Variants in RRAS2 observed in about 807,000 individuals in gnomAD.
RRAS2 encodes the protein ras-related protein R-Ras2.
In RRAS2, 7 loss-of-function variants were observed where a neutral mutation model predicts 27.6. The observed-to-expected ratio is 0.25, with a 90% CI of 0.14 to 0.48. The LOEUF (loss-of-function observed/expected upper bound fraction) is 0.48. Ranked by LOEUF, RRAS2 falls within the 20% of genes least tolerant of loss-of-function variation. The probability of loss-of-function intolerance (pLI) is 0.99; values close to 1 mark genes in which losing one functional copy is unlikely to be tolerated. For synonymous variants in RRAS2, 86 were observed against 90.9 expected, an observed-to-expected ratio of 0.95 and a Z score of 0.31; for missense variants, 178 against 256.2, an observed-to-expected ratio of 0.69 and a Z score of 2.08.
At chr11:14,321,825 A>G (rs545035535) in intron 1 of RRAS2, among the ~76,000 whole-genome samples, 1 of 152,286 alleles carries the variant, frequency 6.6e-6, no homozygotes, top group Admixed American at 6.5e-5. Context: ...TTTGAACCCA[A>G]TAATGCATTT....
At chr11:14,311,216 A>G (rs915410161) in intron 1 of RRAS2, among the ~76,000 whole-genome samples, 1 of 152,136 alleles carries the variant, frequency 6.6e-6, no homozygotes, top group Non-Finnish European at 1.5e-5. Context: ...GTGGTGGGGT[A>G]CACCTATAAT....
At chr11:14,333,643 CCACCCT>C (rs1848527065) in intron 1 of RRAS2, among the ~76,000 whole-genome samples, 1 of 143,858 alleles carries the variant, frequency 7.0e-6, no homozygotes, top group African/African-American at 2.5e-5. Context: ...TTCCCCACCC[CCACCCT>C]GCCCCTTTTT....
chr11:14,352,258 T>C (rs1377289179), intron 1 of RRAS2, among the ~76,000 whole-genome samples: 1 of 152,212 alleles, frequency 6.6e-6, no homozygotes, highest in Non-Finnish European at 1.5e-5. Flanking sequence ...TGACTGCATT[T>C]TTAATTAAAC....
At chr11:14,321,233 A>T (rs1444566974) in intron 1 of RRAS2, among the ~76,000 whole-genome samples, 1 of 152,168 alleles carries the variant, frequency 6.6e-6, no homozygotes, top group Non-Finnish European at 1.5e-5. Context: ...TCAATATTTT[A>T]AAATCTTATG....
intron 1 of RRAS2, among the ~76,000 whole-genome samples, chr11:14,311,893 C>T (rs1554948923): frequency 1.3e-5 from 2 of 150,696 alleles, no homozygotes; most frequent in Admixed American, 6.6e-5. Flanking sequence ...GAGATAGAGT[C>T]TCACTCTGTT....
intron 1 of RRAS2, among the ~76,000 whole-genome samples, chr11:14,315,019 G>A (rs1163653648): frequency 6.6e-6 from 1 of 152,126 alleles, no homozygotes; most frequent in Non-Finnish European, 1.5e-5. Flanking sequence ...CATTTAAATA[G>A]CCATGGTTTT....
chr11:14,307,696 A>G (rs936219476), intron 1 of RRAS2, among the ~76,000 whole-genome samples: 3 of 152,012 alleles, frequency 2.0e-5, no homozygotes, highest in Non-Finnish European at 4.4e-5. Context: ...AGCCTGCGAC[A>G]GTTTAAAAAA....
intron 2 of RRAS2, among the ~76,000 whole-genome samples, chr11:14,295,483 G>A (rs1847519780): frequency 6.6e-6 from 1 of 152,124 alleles, no homozygotes; most frequent in South Asian, 2.1e-4. Flanking sequence ...GTTGAGACCT[G>A]ACAGGTTTTT....
At chr11:14,295,213 GT>G (rs1554946419) in intron 2 of RRAS2, among the ~76,000 whole-genome samples, 4 of 152,158 alleles carry the variant, frequency 2.6e-5, no homozygotes, top group African/African-American at 9.7e-5. Flanking sequence ...AAAGATACCT[GT>G]AAATTCAAGA....
At chr11:14,330,133 G>A (rs1400936996) in intron 1 of RRAS2, among the ~76,000 whole-genome samples, 10 of 152,148 alleles carry the variant, frequency 6.6e-5, no homozygotes, top group Non-Finnish European at 1.5e-5. Flanking sequence ...TAGTATTCAC[G>A]GTGTAATGTG....
rs527819672 is a variant in RRAS2, at chr11:14,347,693, G to A, written c.108+11070C>T. On this transcript the variant is annotated intron_variant, in intron 1 of 5. Transcript: ENST00000256196. Reference sequence around the variant, plus strand: ...AACTTAGGTACAGTGGCTCACACCTGTAGTGCCCGCGCTTTGGCAGGCAGA... The same window carrying A: ...AACTTAGGTACAGTGGCTCACACCTATAGTGCCCGCGCTTTGGCAGGCAGA... Among the ~76,000 whole-genome samples, 13 of 152,218 alleles carry A rather than the reference G, an allele frequency of 8.5e-5. No individual in the cohort carries two copies. In the East Asian group the frequency reaches 2.5e-3, roughly 29 times the overall value.
At chr11:14,318,484 C>G (rs1457880100) in intron 1 of RRAS2, among the ~76,000 whole-genome samples, 1 of 151,796 alleles carries the variant, frequency 6.6e-6, no homozygotes, top group African/African-American at 2.4e-5. Flanking sequence ...GCCTGGGTGA[C>G]AGAGAGAGAA....
intron 1 of RRAS2, among the ~76,000 whole-genome samples, chr11:14,296,216 TAAAATA>T (rs1554946601): frequency 6.6e-6 from 1 of 151,694 alleles, no homozygotes; most frequent in East Asian, 1.9e-4. Flanking sequence ...GAATAAAAAA[TAAAATA>T]AAATTTATGA....
chr11:14,336,773 A>T (rs1172416441), intron 1 of RRAS2, among the ~76,000 whole-genome samples: 3 of 152,236 alleles, frequency 2.0e-5, no homozygotes, highest in Non-Finnish European at 2.9e-5. Context: ...CTTCCATGTT[A>T]TCAGAGGATC....
intron 1 of RRAS2, among the ~76,000 whole-genome samples, chr11:14,331,887 C>T (rs1482550513): frequency 6.6e-6 from 1 of 152,062 alleles, no homozygotes; most frequent in African/African-American, 2.4e-5. Context: ...AGACAAAAGA[C>T]ATACAGACAC....
intron 1 of RRAS2, among the ~76,000 whole-genome samples, chr11:14,326,729 T>C (rs1848365264): frequency 6.6e-6 from 1 of 152,318 alleles, no homozygotes; most frequent in South Asian, 2.1e-4. Flanking sequence ...AAATCACTTA[T>C]AACATCAAAA....
In RRAS2 at chr11:14,293,033, G is replaced by A. The variant is rs372032688; in HGVS notation, c.408+1438C>T. On this transcript the variant is annotated intron_variant, in intron 4 of 5. Transcript: ENST00000256196. ...TGAGGCAGGAGAATGGCGTGAACCC[G>A]GGAGGCAGAGCTTGCAGTGAGCCAA... Among the ~76,000 whole-genome samples the A allele has an allele frequency of 3.2e-4, 48 of 150,312 alleles. No individual in the cohort carries two copies. The South Asian group carries it at 6.7e-3, about 21-fold the overall frequency.
Position 14,281,628 on chromosome 11 carries a change from A to G in RRAS2, c.501T>C (p.Ala167=), listed in dbSNP as rs782487408. 1.0e-5 allele frequency: 16 copies of G among 1,601,316 alleles called. No homozygotes were observed. The South Asian group carries it at 1.7e-4, about 17-fold the overall frequency. ...SAKIRMNVDQ[A]FHELVRVIRK... ...TGATAACCCGGACAAGTTCATGGAAAGCTTGATCTACATTCATCCTAATCT... is the reference window on the plus strand; with the variant it reads ...TGATAACCCGGACAAGTTCATGGAAGGCTTGATCTACATTCATCCTAATCT... The change falls in exon 5 of 6, where the codon GCT becomes GCC. Residue 167 remains alanine (A), a synonymous_variant. Transcript: ENST00000256196.
intron 1 of RRAS2, among the ~76,000 whole-genome samples, chr11:14,335,244 C>T (rs1031746545): frequency 1.6e-4 from 25 of 152,122 alleles, no homozygotes; most frequent in Non-Finnish European, 3.4e-4. Context: ...CACCTTGAGC[C>T]GGCAGACCTC....
Sources: gnomAD v4.1 joint callset for allele counts (sites outside exome capture counted in the v4.1 genomes callset) on GRCh38, gnomAD v4.1.1 for gene constraint, MANE v1.5 for transcripts, NCBI Gene and HGNC (gene_info 2026-07-23, HGNC 2026-07-21) for gene names.